The following LIMCH1 variants were observed in gnomAD, a reference collection of about 807,000 sequenced individuals.
LIMCH1 encodes LIM and calponin homology domains 1.
Under a neutral mutation model 176.5 loss-of-function variants are expected in LIMCH1, and 113 were observed. The ratio of observed to expected loss-of-function variants is 0.64; its 90% CI spans 0.55 to 0.75. The LOEUF is 0.75. LIMCH1 is among the 30% of genes least tolerant of loss of function. The pLI, the probability that LIMCH1 is intolerant of heterozygous loss-of-function variation, is 0.00. For missense variants in LIMCH1, 1,674 were observed against 1,814.9 expected, an observed-to-expected ratio of 0.92 and a Z score of 1.41; for synonymous variants, 619 against 645.9, an observed-to-expected ratio of 0.96 and a Z score of 0.63.
chr4:41,382,044 C>G (rs2055754460), intron 1 of LIMCH1, among the ~76,000 whole-genome samples: 1 of 152,220 alleles, frequency 6.6e-6, no homozygotes, highest in Non-Finnish European at 1.5e-5. Flanking sequence ...GTGCTCCAGA[C>G]TTATGAGTGC....
At chr4:41,584,469 G>T (rs536173587) in intron 1 of LIMCH1, among the ~76,000 whole-genome samples, 2 of 152,020 alleles carry the variant, frequency 1.3e-5, no homozygotes. Context: ...GGTGTATGAT[G>T]GAAAAAGGGA....
chr4:41,368,261 T>G (rs1435058791), intron 1 of LIMCH1, among the ~76,000 whole-genome samples: 1 of 152,226 alleles, frequency 6.6e-6, no homozygotes, highest in East Asian at 1.9e-4. Context: ...CATTAATATT[T>G]TAATGTGTGA....
chr4:41,647,144 G>T (rs1206550899), intron 17 of LIMCH1, among the ~76,000 whole-genome samples: 1 of 152,140 alleles, frequency 6.6e-6, no homozygotes, highest in Non-Finnish European at 1.5e-5. Context: ...GTCTCCATGA[G>T]CAAGGTCTAT....
At chr4:41,395,502 C>T (rs2057715463) in intron 1 of LIMCH1, among the ~76,000 whole-genome samples, 1 of 152,014 alleles carries the variant, frequency 6.6e-6, no homozygotes, top group Non-Finnish European at 1.5e-5. Context: ...CTTGGCCTCC[C>T]AAAGTGCTGT....
chr4:41,545,208 C>A (rs576284613), intron 1 of LIMCH1, among the ~76,000 whole-genome samples: 17 of 152,256 alleles, frequency 1.1e-4, no homozygotes, highest in Non-Finnish European at 2.4e-4. Context: ...TGATGCCTAT[C>A]GCTCACCTGA....
chr4:41,650,020 A>G (rs2094223422), intron 17 of LIMCH1, among the ~76,000 whole-genome samples: 1 of 152,192 alleles, frequency 6.6e-6, no homozygotes. Flanking sequence ...AAAACAGTCA[A>G]GGTTGTGGAA....
At chr4:41,459,657 G>GTAT (rs1438043269) in intron 1 of LIMCH1, among the ~76,000 whole-genome samples, 1 of 152,062 alleles carries the variant, frequency 6.6e-6, no homozygotes, top group Non-Finnish European at 1.5e-5. Context: ...TATGTGGATG[G>GTAT]TATAAGGGCT....
chr4:41,510,700 TG>T (rs1386362971), intron 2 of LIMCH1, among the ~76,000 whole-genome samples: 1 of 152,166 alleles, frequency 6.6e-6, no homozygotes, highest in Non-Finnish European at 1.5e-5. Flanking sequence ...GTGATTCTGC[TG>T]CCTCAGCCTC....
intron 1 of LIMCH1, chr4:41,494,419 A>G (rs1158674504): frequency 4.6e-6 from 3 of 652,590 alleles, no homozygotes; most frequent in Non-Finnish European, 2.7e-6. Flanking sequence ...ACATACATAT[A>G]TACACATACA....
chr4:41,556,867 G>A (rs1021485267), intron 1 of LIMCH1, among the ~76,000 whole-genome samples: 6 of 152,098 alleles, frequency 3.9e-5, no homozygotes, highest in African/African-American at 1.4e-4. Context: ...TATAACTGCT[G>A]TTCTTTAAAA....
At chr4:41,565,231 A>G (rs1391498035) in intron 1 of LIMCH1, among the ~76,000 whole-genome samples, 5 of 151,718 alleles carry the variant, frequency 3.3e-5, no homozygotes, top group Non-Finnish European at 4.4e-5. Flanking sequence ...GTTCTGTTTT[A>G]AGCAAGGATC....
At chr4:41,659,844 T>C (rs2094562444) in intron 18 of LIMCH1, among the ~76,000 whole-genome samples, 1 of 152,142 alleles carries the variant, frequency 6.6e-6, no homozygotes, top group South Asian at 2.1e-4. Context: ...TTTTACTAAG[T>C]AAATATTGTA....
At chr4:41,478,768 A>T (rs966516140) in intron 1 of LIMCH1, among the ~76,000 whole-genome samples, 13 of 152,176 alleles carry the variant, frequency 8.5e-5, no homozygotes, top group African/African-American at 3.1e-4. Flanking sequence ...TGTCGATTTG[A>T]TGGCTAGTAT....
chr4:41,590,618 TTCTGTGA>T (rs1239104805), intron 1 of LIMCH1, among the ~76,000 whole-genome samples: 1 of 152,176 alleles, frequency 6.6e-6, no homozygotes, highest in Non-Finnish European at 1.5e-5. Flanking sequence ...CCATTTTCTC[TTCTGTGA>T]TCCGCTGTGC....
intron 1 of LIMCH1, among the ~76,000 whole-genome samples, chr4:41,590,372 A>C (rs2087294166): frequency 6.6e-6 from 1 of 152,042 alleles, no homozygotes; most frequent in African/African-American, 2.4e-5. Flanking sequence ...GGCATGAACT[A>C]CCACGCCAGG....
chr4:41,568,974 ATG>A (rs2083145875), intron 1 of LIMCH1, among the ~76,000 whole-genome samples: 1 of 152,084 alleles, frequency 6.6e-6, no homozygotes, highest in African/African-American at 2.4e-5. Flanking sequence ...TATGCACAGA[ATG>A]TAATCAAGAA....
chr4:41,673,324 G>A lies in LIMCH1; in HGVS notation c.3438+1730G>A, dbSNP rs189616750. 9.9e-5 allele frequency among the ~76,000 whole-genome samples: 15 copies of A among 152,266 alleles called. No individual in the cohort carries two copies. The East Asian group carries it at 2.9e-3, about 29-fold the overall frequency. On this transcript the variant is annotated intron_variant, in intron 22 of 31. Transcript: ENST00000503057. ...AAGATTTCCATTTTAAATTGCATTT[G>A]GAACAAAGATGTCAGTTGTTCATGC...
intron 2 of LIMCH1, among the ~76,000 whole-genome samples, chr4:41,495,382 A>G (rs1275161039): frequency 6.6e-6 from 1 of 152,214 alleles, no homozygotes; most frequent in African/African-American, 2.4e-5. Context: ...ACATGTATGT[A>G]ACCTAATCAA....
intron 4 of LIMCH1, chr4:41,612,881 T>C: frequency 7.9e-7 from 1 of 1,273,138 alleles, no homozygotes; most frequent in Non-Finnish European, 1.0e-6. Flanking sequence ...AACTTTTGCC[T>C]CAGAAAGACA....
Sources: gnomAD v4.1 joint callset for allele counts (sites outside exome capture counted in the v4.1 genomes callset) on GRCh38, gnomAD v4.1.1 for gene constraint, MANE v1.5 for transcripts, NCBI Gene and HGNC (gene_info 2026-07-23, HGNC 2026-07-21) for gene names.